The following CCDC33 variants were observed in gnomAD, a reference collection of about 807,000 sequenced individuals.
CCDC33 encodes the protein coiled-coil domain-containing protein 33.
Under a neutral mutation model 91.9 loss-of-function variants are expected in CCDC33, and 94 were observed. That is an observed-to-expected ratio of 1.02 (90% CI 0.87 to 1.21). The LOEUF (loss-of-function observed/expected upper bound fraction) is 1.21, where lower values mean the gene tolerates loss of function less well. Ranked by LOEUF, CCDC33 falls within the 50% of genes most tolerant of loss-of-function variation. CCDC33 has a pLI of 0.00. For synonymous variants in CCDC33, 396 were observed against 374.5 expected, an observed-to-expected ratio of 1.06 and a Z score of -0.66; for missense variants, 940 against 935.5, an observed-to-expected ratio of 1.00 and a Z score of -0.06.
At chr15:74,219,120 G>T (rs908690893) in intron 2 of CCDC33, among the ~76,000 whole-genome samples, 2 of 152,202 alleles carry the variant, frequency 1.3e-5, no homozygotes, top group African/African-American at 4.8e-5. Flanking sequence ...TGCCCTGTGG[G>T]TTAGTGTCCC....
chr15:74,334,902 C>T (rs1331379985), intron 17 of CCDC33, 73 bp from the exon 18 acceptor site: 9 of 1,238,738 alleles, frequency 7.3e-6, no homozygotes, highest in Non-Finnish European at 1.1e-5. Context: ...AGGCTCAGGC[C>T]CTGGTTGTCC....
Position 74,255,268 on chromosome 15 carries a change from T to A in CCDC33, c.186-7172T>A, listed in dbSNP as rs149345188. On this transcript the variant is annotated intron_variant, in intron 2 of 18. Transcript: ENST00000398814. ...CTGAGCGCTGTTATCAGGGAGGAGC[T>A]GAGCTCAGAGATGCTTAGGGGATGT... 5.9e-3 allele frequency among the ~76,000 whole-genome samples: 894 copies of A among 151,798 alleles called. 4 individuals carry two copies. Among genetic ancestry groups the A allele is most frequent in the Non-Finnish European group, 0.01 (685 of 68,016 alleles).
chr15:74,269,130 C>G lies in CCDC33; in HGVS notation c.546+672C>G, dbSNP rs371892278. Among the ~76,000 whole-genome samples the G allele has an allele frequency of 8.1e-4, 124 of 152,168 alleles. 2 individuals are homozygous for G. The South Asian group carries it at 0.024, about 30-fold the overall frequency. On this transcript the variant is annotated intron_variant, in intron 5 of 18. Coordinates refer to ENST00000398814, the MANE Select transcript of CCDC33 (RefSeq NM_025055.5). ...AGCTTTGGGAGGAACTCTTGATGCTCAAAGCAGACATGATGCAGGGACCTG... is the reference window on the plus strand; with the variant it reads ...AGCTTTGGGAGGAACTCTTGATGCTGAAAGCAGACATGATGCAGGGACCTG...
At chr15:74,222,468 C>A (rs527741127) in intron 2 of CCDC33, among the ~76,000 whole-genome samples, 1 of 151,694 alleles carries the variant, frequency 6.6e-6, no homozygotes, top group Admixed American at 6.6e-5. Context: ...TTCATAGAAA[C>A]GATTTCGTTT....
chr15:74,333,994 G>C, intron 17 of CCDC33, 27 bp downstream of exon 17: 1 of 1,576,726 alleles, frequency 6.3e-7, no homozygotes, highest in Non-Finnish European at 8.7e-7. Flanking sequence ...AGTTGATGAG[G>C]CTGGATCAGG....
chr15:74,220,991 G>A (rs1284262764), intron 2 of CCDC33, among the ~76,000 whole-genome samples: 1 of 152,150 alleles, frequency 6.6e-6, no homozygotes, highest in East Asian at 1.9e-4. Flanking sequence ...GGCTGTCAGC[G>A]AGCAATATTC....
intron 1 of CCDC33, chr15:74,209,300 T>A: frequency 7.0e-7 from 1 of 1,434,472 alleles, no homozygotes; most frequent in Non-Finnish European, 9.5e-7. Context: ...TGCACAGGGC[T>A]TTGATGGCTG....
In CCDC33 at chr15:74,316,303, G is replaced by A. The variant is rs916697949; in HGVS notation, c.1291-13886G>A. 6.6e-6 allele frequency among the ~76,000 whole-genome samples: 1 copy of A among 152,200 alleles called. No individual in the cohort carries two copies. Among genetic ancestry groups the A allele is most frequent in the Non-Finnish European group, 1.5e-5 (1 of 68,024 alleles). On this transcript the variant is annotated intron_variant, in intron 11 of 18. Coordinates refer to ENST00000398814, the MANE Select transcript of CCDC33 (RefSeq NM_025055.5). This position sits in a 1 kb window ranked among gnomAD's most constrained non-coding sequence, Gnocchi z 4.7. ...CGCTGGGGCGCCCCTCCAGCCTCCC[G>A]CCAGAGCAGGGCTGGAAGACTGCCA... is the stretch of plus-strand genomic sequence containing the variant.
In CCDC33 at chr15:74,280,057, C is replaced by G; in HGVS notation, c.854C>G (p.Thr285Arg). The G allele has an allele frequency of 6.2e-7, 1 of 1,614,144 alleles. No individual in the cohort carries two copies. Among genetic ancestry groups the G allele is most frequent in the Non-Finnish European group, 8.5e-7 (1 of 1,180,006 alleles). Residue 285 changes from threonine to arginine, a missense_variant, in exon 8 of 19, where the codon ACA becomes AGA. Thr to Arg is a moderately conservative substitution (Grantham distance 71). Transcript: ENST00000398814. ...GGAGCTACCAGCTTCTCAGAAGACACAGCCCTGGTGCTGGAGTACTACTCC... is the reference window on the plus strand; with the variant it reads ...GGAGCTACCAGCTTCTCAGAAGACAGAGCCCTGGTGCTGGAGTACTACTCC... ...RDGATSFSED[T>R]ALVLEYYSST...
At chr15:74,267,265 T>A (rs1172066328) in intron 4 of CCDC33, among the ~76,000 whole-genome samples, 1 of 152,094 alleles carries the variant, frequency 6.6e-6, no homozygotes, top group Non-Finnish European at 1.5e-5. Context: ...AGCGGCAGAG[T>A]TGAGGGTGAG....
chr15:74,246,884 C>T (rs1414695117), intron 2 of CCDC33, among the ~76,000 whole-genome samples: 2 of 152,218 alleles, frequency 1.3e-5, no homozygotes, highest in Non-Finnish European at 2.9e-5. Flanking sequence ...CAGTGGCTCA[C>T]GCCTGTAATC....
intron 16 of CCDC33, among the ~76,000 whole-genome samples, chr15:74,333,589 C>T (rs1428195166): frequency 1.3e-5 from 2 of 152,108 alleles, no homozygotes; most frequent in African/African-American, 4.8e-5. Context: ...CTCAAAGACT[C>T]CCAGTGCGTT....
chr15:74,335,809 TCATGGCC>T (rs906311055), intron 18 of CCDC33, 109 bp from the exon 19 acceptor site: 1 of 789,764 alleles, frequency 1.3e-6, no homozygotes, highest in African/African-American at 1.7e-5. Context: ...CTTTGCCAGG[TCATGGCC>T]CACTGGATTC....
intron 1 of CCDC33, chr15:74,208,912 C>G: frequency 1.0e-6 from 1 of 991,114 alleles, no homozygotes; most frequent in Non-Finnish European, 1.2e-6. Context: ...AACACGGGGC[C>G]TTCTCCTCTG....
intron 2 of CCDC33, among the ~76,000 whole-genome samples, chr15:74,228,412 T>C (rs139535130): frequency 1.5e-3 from 235 of 152,326 alleles, no homozygotes; most frequent in Middle Eastern, 0.01. Context: ...TAGCCAATGC[T>C]CACAAAACGC....
chr15:74,265,584 C>T (rs1470103913), intron 3 of CCDC33, among the ~76,000 whole-genome samples: 3 of 152,186 alleles, frequency 2.0e-5, no homozygotes, highest in African/African-American at 4.8e-5. Flanking sequence ...GATGATGATA[C>T]CTACCCGGGG....
At position 74,333,957 on chromosome 15, in the gene CCDC33, T is replaced by C. The variant is rs750999078; in HGVS notation, c.2015T>C (p.Leu672Pro). 1 of 1,613,340 alleles carries C rather than the reference T, an allele frequency of 6.2e-7. No homozygotes were observed. The highest frequency in any genetic ancestry group is 8.5e-7 in the Non-Finnish European group (1 of 1,179,468). ...CACGCTCAGAGCCGGATCCTGTCCCTGGAAAGCCAGGTGGGTGAGATGCAG... is the reference window on the plus strand; with the variant it reads ...CACGCTCAGAGCCGGATCCTGTCCCCGGAAAGCCAGGTGGGTGAGATGCAG... ...LEHAQSRILS[L>P]ESQLEDSARR... The change falls in exon 17 of 19, where the codon CTG becomes CCG. Residue 672 changes from leucine to proline, a missense_variant. Transcript: ENST00000398814.
chr15:74,309,338 C>T lies in CCDC33; in HGVS notation c.1290+13390C>T, dbSNP rs115543818. 6.3e-3 allele frequency among the ~76,000 whole-genome samples: 966 copies of T among 152,336 alleles called. 9 individuals carry two copies. Among genetic ancestry groups the T allele is most frequent in the African/African-American group, 0.022 (899 of 41,574 alleles). ...CTCACTCCACCTTGTACCCCTCGCC[C>T]ACCTCCACACCAGGTGCCTGGCGTG... On this transcript the variant is annotated intron_variant, in intron 11 of 18. Coordinates refer to ENST00000398814, the MANE Select transcript of CCDC33 (RefSeq NM_025055.5).
chr15:74,217,607 G>T (rs1425317063), intron 1 of CCDC33: 4 of 1,198,214 alleles, frequency 3.3e-6, no homozygotes, highest in Non-Finnish European at 4.2e-6. Context: ...GGGGTTTGGG[G>T]GAGAGAAAGA....
Sources: allele counts gnomAD v4.1 joint callset (sites outside exome capture counted in the v4.1 genomes callset), GRCh38; gene constraint gnomAD v4.1.1; non-coding constraint Gnocchi (gnomAD v3.1); transcripts MANE v1.5; gene names NCBI Gene and HGNC (gene_info 2026-07-23, HGNC 2026-07-21).